Variants in FTSJ1 observed in about 807,000 individuals in gnomAD.
The protein encoded by FTSJ1 is tRNA (cytidine(32)/guanosine(34)-2'-O)-methyltransferase.
A neutral mutation model predicts 28.5 loss-of-function variants in FTSJ1; 3 were observed. The observed-to-expected ratio is 0.11, with a 90% CI of 0.05 to 0.27. The LOEUF is 0.27. Ranked by LOEUF, FTSJ1 falls within the 10% of genes least tolerant of loss-of-function variation. FTSJ1 has a pLI of 1.00. For missense variants in FTSJ1, 162 were observed against 279.0 expected (o/e 0.58, Z 2.99); for synonymous variants, 104 against 113.9 (o/e 0.91, Z 0.55).
Position 48,478,146 on chromosome X carries a change from T to C in FTSJ1, c.99T>C (p.Asp33=), listed in dbSNP as rs1325288546. The C allele has an allele frequency of 2.5e-6, 3 of 1,209,024 alleles. No homozygotes were observed. The highest frequency in any genetic ancestry group is 1.8e-5 in the South Asian group (1 of 56,477). ...GCGCCTTCAAACTGCTACAACTGGA[T>C]AAGGAATTCCAACTCTTCCAAGGTC... ...ARSAFKLLQL[D]KEFQLFQGVT... Residue 33 remains aspartate, a synonymous_variant, in exon 2 of 13, where the codon GAT becomes GAC. Coordinates refer to ENST00000348411, the MANE Select transcript of FTSJ1 (RefSeq NM_012280.4).
intron 4 of FTSJ1, 39 bp from the exon 5 acceptor site, chrX:48,478,999 G>A (rs782817165): frequency 9.6e-7 from 1 of 1,041,213 alleles, no homozygotes; most frequent in South Asian, 1.9e-5. Context: ...GGGCAGCAGT[G>A]GAGGGCCGTG....
chrX:48,481,059 CCTGGAAAATGTATTT>C, intron 5 of FTSJ1, 77 bp from the exon 6 acceptor site: 1 of 807,435 alleles, frequency 1.2e-6, no homozygotes, highest in Non-Finnish European at 1.9e-6. Flanking sequence ...AGTAAGACAG[CCTGGAAAATGTATTT>C]AGTGTCTGAT....
At chrX:48,479,971 C>T (rs1399577649) in intron 5 of FTSJ1, among the ~76,000 whole-genome samples, 1 of 111,435 alleles carries the variant, frequency 9.0e-6, no homozygotes. Flanking sequence ...TGATGAAACC[C>T]CATCTCTACT....
chrX:48,478,539 T>C lies in FTSJ1; in HGVS notation c.191+21T>C, dbSNP rs781803604. On this transcript the variant is annotated intron_variant, in intron 3 of 12. Transcript: ENST00000348411. ...ATCGGGTAAGTGTGGGGGTCCCAGATGGGAGACCCAGGAGGGCCGGCTGGG... is the reference window on the plus strand; with the variant it reads ...ATCGGGTAAGTGTGGGGGTCCCAGACGGGAGACCCAGGAGGGCCGGCTGGG... The C allele has an allele frequency of 5.8e-6, 7 of 1,200,384 alleles. No individual in the cohort carries two copies. The South Asian group carries it at 1.1e-4, about 18-fold the overall frequency.
chrX:48,481,083 A>C (rs2061565269), intron 5 of FTSJ1, 68 bp from the exon 6 acceptor site: 2 of 933,058 alleles, frequency 2.1e-6, no homozygotes, highest in Non-Finnish European at 3.1e-6. Context: ...TTAGTGTCTG[A>C]TCTGTGTGGT....
At chrX:48,476,652 G>A in intron 1 of FTSJ1, 1 of 154,304 alleles carries the variant, frequency 6.5e-6, no homozygotes. Flanking sequence ...GGTCCCGATG[G>A]AGCTATCATC....
intron 4 of FTSJ1, 120 bp downstream of exon 4, chrX:48,478,827 A>G (rs1602049147): frequency 7.0e-6 from 4 of 571,203 alleles, no homozygotes; most frequent in Admixed American, 2.8e-5. Context: ...AGAGTGAGAG[A>G]GTAACCATGG....
At position 48,481,704 on chromosome X, in the gene FTSJ1, A is replaced by G. The variant is rs1256642187; in HGVS notation, c.644A>G (p.Asp215Gly). 3 of 1,163,753 alleles carry G rather than the reference A, an allele frequency of 2.6e-6. No homozygotes were observed. The highest frequency in any genetic ancestry group is 3.5e-6 in the Non-Finnish European group (3 of 852,598). Residue 215 changes from aspartate to glycine, a missense_variant, in exon 9 of 13, where the codon GAC becomes GGC. Asp to Gly is a moderately conservative substitution (Grantham distance 94, BLOSUM62 -1). Coordinates refer to ENST00000348411, the MANE Select transcript of FTSJ1 (RefSeq NM_012280.4). ...FIPDLSKPLLDHSYDPDFNQL... is the reference protein window; with the variant it reads ...FIPDLSKPLLGHSYDPDFNQL... ...CCGGACCTGAGCAAACCCCTGCTGG[A>G]CCATTCTTACGGTGAGAGCTGGAGC...
rs1556967280 is a variant in FTSJ1, at chrX:48,478,531, G to A, written c.191+13G>A. ...GCCAGAAGATCGGGTAAGTGTGGGGGTCCCAGATGGGAGACCCAGGAGGGC... is the reference window on the plus strand; with the variant it reads ...GCCAGAAGATCGGGTAAGTGTGGGGATCCCAGATGGGAGACCCAGGAGGGC... On this transcript the variant is annotated intron_variant, in intron 3 of 12. Transcript: ENST00000348411. 3 of 1,204,060 alleles carry A rather than the reference G, an allele frequency of 2.5e-6. No homozygotes were observed. Among genetic ancestry groups the A allele is most frequent in the South Asian group, 1.8e-5 (1 of 56,753 alleles).
Position 48,482,689 on chromosome X carries a change from G to T in FTSJ1, c.852G>T (p.Gly284=), listed in dbSNP as rs2061577066. The T allele has an allele frequency of 8.3e-7, 1 of 1,204,511 alleles. No individual in the cohort carries two copies. The highest frequency in any genetic ancestry group is 1.8e-5 in the African/African-American group (1 of 56,746). ...YQEACTLKRK[G]QLAKEIRPQD... ...AGGCCTGCACGTTGAAGAGGAAGGG[G>T]CAGCTGGCCAAGGAGATCCGCCCCC... The change falls in exon 11 of 13, where the codon GGG becomes GGT. Residue 284 remains glycine, a synonymous_variant. Coordinates refer to ENST00000348411, the MANE Select transcript of FTSJ1 (RefSeq NM_012280.4).
chrX:48,478,957 G>A, intron 4 of FTSJ1, 81 bp from the exon 5 acceptor site: 2 of 809,253 alleles, frequency 2.5e-6, no homozygotes, highest in Non-Finnish European at 3.8e-6. Context: ...CCCAGGGGCT[G>A]TGGGCCAGGA....
intron 12 of FTSJ1, among the ~76,000 whole-genome samples, chrX:48,483,777 C>T (rs1417042974): frequency 9.0e-6 from 1 of 111,415 alleles, no homozygotes; most frequent in East Asian, 2.8e-4. Context: ...TGAGCCACTG[C>T]GCCCAGCCAG....
chrX:48,484,826 A>T (rs1213707538), intron 12 of FTSJ1, among the ~76,000 whole-genome samples: 2 of 112,708 alleles, frequency 1.8e-5, no homozygotes, highest in Admixed American at 9.4e-5. Flanking sequence ...AAAGCTGCTC[A>T]TCAGGAAAAT....
Position 48,482,742 on chromosome X carries a change from C to T in FTSJ1, c.905C>T (p.Thr302Met), listed in dbSNP as rs1556969077. 1 of 1,209,228 alleles carries T rather than the reference C, an allele frequency of 8.3e-7. No homozygotes were observed. The highest frequency in any genetic ancestry group is 3.0e-5 in the East Asian group (1 of 33,769). ...GACTGCCCCATCAGCAGAGTGGACA[C>T]GTTTCCCCAGCCCCTGGCCGCCCCT... ...PQDCPISRVDTFPQPLAAPQC... is the reference protein window; with the variant it reads ...PQDCPISRVDMFPQPLAAPQC... The change falls in exon 11 of 13, where the codon ACG (threonine) becomes ATG (methionine). Residue 302 changes from threonine to methionine, a missense_variant. Physicochemically the swap from Thr to Met is moderately conservative, Grantham distance 81. Transcript: ENST00000348411.
intron 7 of FTSJ1, 41 bp from the exon 8 acceptor site, chrX:48,481,385 G>A: frequency 8.3e-7 from 1 of 1,198,002 alleles, no homozygotes; most frequent in Non-Finnish European, 1.1e-6. Context: ...AGGTCGCTGA[G>A]GGCCACCCTC....
chrX:48,479,475 A>C lies in FTSJ1; in HGVS notation c.361+359A>C, dbSNP rs138367202. On this transcript the variant is annotated intron_variant, in intron 5 of 12. Coordinates refer to ENST00000348411, the MANE Select transcript of FTSJ1 (RefSeq NM_012280.4). ...TTGTGTTGGGAAAACATTCATGAAT[A>C]AAATTCCATTAATCTTTAACCTCAT... 2.7e-3 allele frequency among the ~76,000 whole-genome samples: 300 copies of C among 113,004 alleles called. 1 individual carries two copies. The highest frequency in any genetic ancestry group is 7.1e-3 in the African/African-American group (221 of 31,171).
chrX:48,484,457 C>G (rs2061589751), intron 12 of FTSJ1, among the ~76,000 whole-genome samples: 1 of 110,966 alleles, frequency 9.0e-6, no homozygotes, highest in Non-Finnish European at 1.9e-5. Flanking sequence ...TATCTCAGCT[C>G]ACTCCAACCT....
intron 12 of FTSJ1, chrX:48,483,274 CA>C (rs1338459657): frequency 3.0e-4 from 120 of 400,276 alleles, no homozygotes; most frequent in Non-Finnish European, 5.0e-4. Flanking sequence ...GAGCAGGGAG[CA>C]AAACAGAAAT....
Position 48,478,518 on chromosome X carries a change from G to A in FTSJ1, c.191G>A (p.Gly64Glu), listed in dbSNP as rs1410673087. The A allele has an allele frequency of 1.7e-6, 2 of 1,207,303 alleles. No individual in the cohort carries two copies. The highest frequency in any genetic ancestry group is 1.1e-6 in the Non-Finnish European group (1 of 892,961). The change falls in exon 3 of 13, where the codon GGG (glycine) becomes GAG (glutamate). Residue 64 changes from glycine (G) to glutamate (E), a missense_variant and splice_region_variant. Gly to Glu is a moderately conservative substitution (Grantham distance 98). Transcript: ENST00000348411. ...AGCCAGGTGCTGAGCCAGAAGATCG[G>A]GTAAGTGTGGGGGTCCCAGATGGGA... ...SWSQVLSQKIGGQGSGHVVAV... is the reference protein window; with the variant it reads ...SWSQVLSQKIEGQGSGHVVAV...
Sources: allele counts gnomAD v4.1 joint callset (sites outside exome capture counted in the v4.1 genomes callset), GRCh38; gene constraint gnomAD v4.1.1; transcripts MANE v1.5; gene names NCBI Gene and HGNC (gene_info 2026-07-23, HGNC 2026-07-21).